The following ATXN3 variants were observed in gnomAD, a reference collection of about 807,000 sequenced individuals.
ATXN3 encodes ataxin 3, also known as ataxin-3.
Under a neutral mutation model 58.2 loss-of-function variants are expected in ATXN3, and 28 were observed. The observed-to-expected ratio is 0.48, with a 90% CI of 0.36 to 0.66. ATXN3 has a LOEUF of 0.66. Ranked by LOEUF, ATXN3 falls within the 30% of genes least tolerant of loss-of-function variation. The probability of loss-of-function intolerance (pLI) is 0.00; values close to 1 mark genes in which losing one functional copy is unlikely to be tolerated. For missense variants in ATXN3, 321 were observed against 422.1 expected, an observed-to-expected ratio of 0.76 and a Z score of 2.10; for synonymous variants, 113 against 138.5, an observed-to-expected ratio of 0.82 and a Z score of 1.29.
upstream of ATXN3, among the ~76,000 whole-genome samples, chr14:92,051,623 C>G (rs1224871345): frequency 6.6e-5 from 9 of 136,118 alleles, no homozygotes; most frequent in African/African-American, 2.5e-4. Flanking sequence ...GCTTTTACTT[C>G]TGCGATTTAT....
intron 9 of ATXN3, 137 bp downstream of exon 9, chr14:92,080,828 G>T (rs1407666280): frequency 1.3e-6 from 1 of 772,394 alleles, no homozygotes; most frequent in Non-Finnish European, 2.2e-6. Flanking sequence ...AAGCCACCGT[G>T]CCCGTCCTAT....
upstream of ATXN3, chr14:92,050,266 A>G (rs1362816945): frequency 1.3e-5 from 2 of 152,154 alleles, no homozygotes; most frequent in Admixed American, 6.5e-5. Flanking sequence ...TGGTGGGTAC[A>G]TAAGGTTCAT....
At chr14:92,083,826 AC>A (rs1310766692) in intron 6 of ATXN3, among the ~76,000 whole-genome samples, 2 of 152,174 alleles carry the variant, frequency 1.3e-5, no homozygotes, top group Non-Finnish European at 2.9e-5. Flanking sequence ...AGGTAGACCC[AC>A]CCTCAAACTG....
At chr14:92,102,704 ACT>A (rs1199733141) in intron 1 of ATXN3, among the ~76,000 whole-genome samples, 1 of 152,046 alleles carries the variant, frequency 6.6e-6, no homozygotes, top group Non-Finnish European at 1.5e-5. Context: ...CCTTCTCTAC[ACT>A]CTAACTCTCA....
intron 6 of ATXN3, among the ~76,000 whole-genome samples, chr14:92,087,334 C>T (rs944192885): frequency 9.2e-5 from 14 of 152,168 alleles, no homozygotes; most frequent in African/African-American, 2.6e-4. Flanking sequence ...GCCTGTAGTC[C>T]CAGCTACTCA....
upstream of ATXN3, among the ~76,000 whole-genome samples, chr14:92,052,316 GA>G (rs2057451602): frequency 6.6e-6 from 1 of 151,846 alleles, no homozygotes; most frequent in Non-Finnish European, 1.5e-5. Context: ...CCAACATGGA[GA>G]AACCCCGTCT....
intron 1 of ATXN3, among the ~76,000 whole-genome samples, chr14:92,097,894 C>T (rs1015638204): frequency 2.0e-5 from 3 of 152,084 alleles, no homozygotes; most frequent in Admixed American, 6.6e-5. Flanking sequence ...TAGGTACATG[C>T]ATTTTCATTT....
At chr14:92,080,906 G>C (rs1241496674) in intron 9 of ATXN3, 59 bp downstream of exon 9, 2 of 1,339,898 alleles carry the variant, frequency 1.5e-6, no homozygotes, top group South Asian at 1.2e-5. Flanking sequence ...TTTACAAATA[G>C]ACAAAATAGC....
chr14:92,076,478 A>C (rs2060405731), intron 9 of ATXN3, among the ~76,000 whole-genome samples: 1 of 151,092 alleles, frequency 6.6e-6, no homozygotes, highest in Non-Finnish European at 1.5e-5. Flanking sequence ...AAAAAAGCTC[A>C]ATTTGTTGGA....
At chr14:92,093,113 C>T (rs1248363927) in intron 5 of ATXN3, 139 bp downstream of exon 5, 1 of 437,498 alleles carries the variant, frequency 2.3e-6, no homozygotes, top group Non-Finnish European at 4.2e-6. Flanking sequence ...CCAGGCTGGT[C>T]TCAAACTCCT....
chr14:92,097,661 G>A (rs2065743152), intron 1 of ATXN3, among the ~76,000 whole-genome samples: 1 of 151,626 alleles, frequency 6.6e-6, no homozygotes, highest in African/African-American at 2.4e-5. Flanking sequence ...AAGTAGCTGC[G>A]ACTACAGGTG....
intron 10 of ATXN3, chr14:92,070,727 T>C: frequency 7.6e-7 from 1 of 1,323,588 alleles, no homozygotes; most frequent in Non-Finnish European, 1.0e-6. Context: ...ATTACAGATG[T>C]GAGCCACCAC....
At chr14:92,087,844 G>C (rs1454139367) in intron 6 of ATXN3, among the ~76,000 whole-genome samples, 2 of 150,286 alleles carry the variant, frequency 1.3e-5, no homozygotes, top group African/African-American at 5.1e-5. Flanking sequence ...TTTGACAGTG[G>C]TTATGATTAC....
chr14:92,050,425 A>G (rs1025204847), upstream of ATXN3: 1 of 152,318 alleles, frequency 6.6e-6, no homozygotes, highest in African/African-American at 2.4e-5. Flanking sequence ...TTCATCACTC[A>G]ATAAGCAGCA....
Position 92,058,587 on chromosome 14 carries a change from T to C in ATXN3, c.*5733A>G, listed in dbSNP as rs2057525483. Reference sequence around the variant, plus strand: ...AACATTATCTTTATTTAATAATCTTTGATATTTAAAATACAACTCATTGAA... The same window carrying C: ...AACATTATCTTTATTTAATAATCTTCGATATTTAAAATACAACTCATTGAA... On this transcript the variant is annotated 3_prime_UTR_variant, in exon 11 of 11. Coordinates refer to ENST00000644486, the MANE Select transcript of ATXN3 (RefSeq NM_004993.6). 6.6e-6 allele frequency: 1 copy of C among 152,206 alleles called. No individual in the cohort carries two copies. The highest frequency in any genetic ancestry group is 2.4e-5 in the African/African-American group (1 of 41,444). 9.4% of individuals were successfully genotyped at this position (152,206 alleles called of 1,614,324 possible). A position where few individuals can be genotyped will look rare whatever the true frequency, so the allele number is the denominator to read the frequency against.
downstream of ATXN3, among the ~76,000 whole-genome samples, chr14:92,053,877 T>A (rs2057456599): frequency 6.6e-6 from 1 of 152,054 alleles, no homozygotes; most frequent in Non-Finnish European, 1.5e-5. Context: ...ACCCTAGCCA[T>A]GGAAGCCATG....
chr14:92,089,157 C>T (rs1344923107), intron 5 of ATXN3, among the ~76,000 whole-genome samples: 1 of 151,302 alleles, frequency 6.6e-6, no homozygotes, highest in African/African-American at 2.4e-5. Flanking sequence ...GCTGGGACTA[C>T]AGGTCTGCAC....
chr14:92,097,478 G>A (rs1197079971), intron 1 of ATXN3, among the ~76,000 whole-genome samples: 1 of 150,984 alleles, frequency 6.6e-6, no homozygotes, highest in East Asian at 1.9e-4. Context: ...CGCCTGCCTC[G>A]GCCTCCAAAA....
intron 5 of ATXN3, 54 bp from the exon 6 acceptor site, chr14:92,088,871 G>C: frequency 1.0e-6 from 1 of 999,038 alleles, no homozygotes; most frequent in South Asian, 1.4e-5. Flanking sequence ...TAATAAGGAA[G>C]TTTCACATGT....
Sources: allele counts gnomAD v4.1 joint callset (sites outside exome capture counted in the v4.1 genomes callset), GRCh38; gene constraint gnomAD v4.1.1; transcripts MANE v1.5; gene names NCBI Gene and HGNC (gene_info 2026-07-23, HGNC 2026-07-21).